ACCSL: variants seen among roughly 807,000 people sequenced by gnomAD.
ACCSL encodes probable inactive 1-aminocyclopropane-1-carboxylate synthase-like protein 2.
In ACCSL, 55 loss-of-function variants were observed where a neutral mutation model predicts 61.7. The ratio of observed to expected loss-of-function variants is 0.89; its 90% CI spans 0.72 to 1.12. The LOEUF is 1.12. Ranked by LOEUF, ACCSL falls within the 50% of genes most tolerant of loss-of-function variation. The pLI is 0.00. For synonymous variants in ACCSL, 258 were observed against 264.3 expected (o/e 0.98, Z 0.23); for missense variants, 632 against 698.0 (o/e 0.91, Z 1.07).
chr11:44,023,627 G>GTTT, the ACCSL span, among the ~76,000 whole-genome samples: 29,088 of 137,484 alleles, frequency 0.21, 3,245 homozygotes, highest in East Asian at 0.29. Flanking sequence ...GATTTTATCT[G>GTTT]TTTTTTTTTT....
chr11:44,015,055 G>C, the ACCSL span, among the ~76,000 whole-genome samples: 10 of 152,234 alleles, frequency 6.6e-5, no homozygotes, highest in Admixed American at 1.3e-4. Context: ...TCACAGGCAT[G>C]CACAAACTGC....
At chr11:44,020,298 T>G in the ACCSL span, among the ~76,000 whole-genome samples, 1 of 152,096 alleles carries the variant, frequency 6.6e-6, no homozygotes, top group African/African-American at 2.4e-5. Flanking sequence ...CTCCTTTTTT[T>G]TCCACAGCCT....
chr11:43,977,268 G>A, the ACCSL span, among the ~76,000 whole-genome samples: 2 of 152,162 alleles, frequency 1.3e-5, no homozygotes, highest in Non-Finnish European at 2.9e-5. Flanking sequence ...CATAGCAAGG[G>A]GGATTAGGCT....
chr11:43,943,647 GC>G, the ACCSL span: 5 of 1,305,234 alleles, frequency 3.8e-6, no homozygotes, highest in Non-Finnish European at 5.1e-6. This position sits in a 1 kb window ranked among gnomAD's most constrained non-coding sequence, Gnocchi z 4.8. Context: ...GCTCCACCGT[GC>G]CCCCCAGCGC....
At chr11:44,000,557 T>C in the ACCSL span, among the ~76,000 whole-genome samples, 1 of 117,826 alleles carries the variant, frequency 8.5e-6, no homozygotes, top group African/African-American at 3.2e-5. Context: ...AACAAAATTG[T>C]AAAACAAACA....
In ACCSL at chr11:44,050,562, G is replaced by C. The variant is rs777397953; in HGVS notation, c.575G>C (p.Ser192Thr). The change falls in exon 3 of 14, where the codon AGT becomes ACT. Residue 192 changes from serine to threonine, a missense_variant. Ser to Thr is a moderately conservative substitution (Grantham distance 58). Transcript: ENST00000378832. ...TCTATTTGTCAACAGTTGCAAGAAAGTGACATGAACTGCATTGAGGACACC... is the reference window on the plus strand; with the variant it reads ...TCTATTTGTCAACAGTTGCAAGAAACTGACATGAACTGCATTGAGGACACC... ...MDLMTERLQE[S>T]DMNCIEDTLL... 1 of 1,613,938 alleles carries C rather than the reference G, an allele frequency of 6.2e-7. No individual in the cohort carries two copies. The highest frequency in any genetic ancestry group is 8.5e-7 in the Non-Finnish European group (1 of 1,180,016).
the ACCSL span, among the ~76,000 whole-genome samples, chr11:43,955,653 G>A: frequency 0.045 from 6,913 of 152,150 alleles, 205 homozygotes; most frequent in Admixed American, 0.083. Context: ...GTCGGGTGGA[G>A]CTACTGGTCA....
At chr11:43,980,927 GA>G in the ACCSL span, among the ~76,000 whole-genome samples, 27 of 152,122 alleles carry the variant, frequency 1.8e-4, no homozygotes, top group African/African-American at 6.5e-4. Flanking sequence ...AGTAGAGGGG[GA>G]GCCAGGATTT....
At chr11:43,999,791 G>A in the ACCSL span, among the ~76,000 whole-genome samples, 31 of 152,120 alleles carry the variant, frequency 2.0e-4, no homozygotes, top group African/African-American at 6.8e-4. Flanking sequence ...CTGATCCCAT[G>A]TAGTAGGTAT....
the ACCSL span, among the ~76,000 whole-genome samples, chr11:43,925,837 A>G: frequency 6.6e-6 from 1 of 152,326 alleles, no homozygotes; most frequent in East Asian, 1.9e-4. Flanking sequence ...ACTCAGAAGC[A>G]GCCCCCTCTT....
At chr11:43,979,647 G>A in the ACCSL span, among the ~76,000 whole-genome samples, 6 of 151,952 alleles carry the variant, frequency 3.9e-5, no homozygotes, top group Admixed American at 2.0e-4. Context: ...CACATGCTTC[G>A]TTTCTAATTA....
the ACCSL span, among the ~76,000 whole-genome samples, chr11:43,939,450 G>C: frequency 1.4e-4 from 22 of 152,240 alleles, no homozygotes; most frequent in South Asian, 4.0e-3. Context: ...GTTCTGATGT[G>C]AGCATTTCAG....
the ACCSL span, among the ~76,000 whole-genome samples, chr11:43,985,986 C>CAAAT: frequency 0.39 from 59,543 of 151,194 alleles, 12,446 homozygotes; most frequent in Middle Eastern, 0.47. Flanking sequence ...AATAAACAAA[C>CAAAT]AAACAAATAA....
chr11:43,960,808 T>C, the ACCSL span, among the ~76,000 whole-genome samples: 1 of 152,148 alleles, frequency 6.6e-6, no homozygotes, highest in African/African-American at 2.4e-5. Context: ...CTAGTTTTTT[T>C]GTGTGTTTGT....
the ACCSL span, chr11:43,944,478 C>T: frequency 6.5e-6 from 1 of 153,588 alleles, no homozygotes; most frequent in Non-Finnish European, 1.5e-5. Flanking sequence ...CGCTATGTCT[C>T]CAGCCGTTCT....
At chr11:44,046,860 T>C (rs1276242863), upstream of ACCSL, among the ~76,000 whole-genome samples, 2 of 152,218 alleles carry the variant, frequency 1.3e-5, no homozygotes, top group Admixed American at 1.3e-4. Flanking sequence ...ATCTGATTTA[T>C]TGATTCTTTG....
chr11:43,946,503 T>A, the ACCSL span, among the ~76,000 whole-genome samples: 1 of 152,188 alleles, frequency 6.6e-6, no homozygotes, highest in Non-Finnish European at 1.5e-5. Context: ...CAGAGATAAA[T>A]AAGTTAACAT....
the ACCSL span, among the ~76,000 whole-genome samples, chr11:43,966,046 T>C: frequency 6.6e-6 from 1 of 152,176 alleles, no homozygotes; most frequent in African/African-American, 2.4e-5. Flanking sequence ...GACCTTGGAT[T>C]TGTCAATGGT....
At chr11:44,002,999 T>C in the ACCSL span, among the ~76,000 whole-genome samples, 1 of 152,112 alleles carries the variant, frequency 6.6e-6, no homozygotes, top group Non-Finnish European at 1.5e-5. Flanking sequence ...TGCAGCTGCA[T>C]TCGTGATGTT....
Sources: allele counts gnomAD v4.1 joint callset (sites outside exome capture counted in the v4.1 genomes callset), GRCh38; gene constraint gnomAD v4.1.1; non-coding constraint Gnocchi (gnomAD v3.1); transcripts MANE v1.5; gene names NCBI Gene and HGNC (gene_info 2026-07-23, HGNC 2026-07-21).